The following ZC3HAV1 variants were observed in gnomAD, a reference collection of about 807,000 sequenced individuals.
ZC3HAV1 encodes zinc finger CCCH-type containing, antiviral 1.
Under a neutral mutation model 86.6 loss-of-function variants are expected in ZC3HAV1, and 41 were observed. The ratio of observed to expected loss-of-function variants is 0.47; its 90% CI spans 0.37 to 0.61. ZC3HAV1 has a LOEUF of 0.61. Ranked by LOEUF, ZC3HAV1 falls within the 20% of genes least tolerant of loss-of-function variation. ZC3HAV1 has a pLI of 0.00. For synonymous variants in ZC3HAV1, 421 were observed against 432.1 expected (o/e 0.97, Z 0.32); for missense variants, 964 against 1,141.1 (o/e 0.84, Z 2.24).
intron 1 of ZC3HAV1, among the ~76,000 whole-genome samples, chr7:139,102,848 A>C (rs955788481): frequency 7.9e-5 from 12 of 151,332 alleles, no homozygotes; most frequent in South Asian, 2.1e-4. Flanking sequence ...TGAATCCAGG[A>C]GGTGGAGGCT....
intron 2 of ZC3HAV1, 110 bp from the exon 3 acceptor site, chr7:139,084,142 A>T (rs1817211885): frequency 7.1e-7 from 1 of 1,412,342 alleles, no homozygotes; most frequent in Admixed American, 2.3e-5. Context: ...GCAGAGATAT[A>T]CCAAAGGGGG....
In ZC3HAV1 at chr7:139,047,611, C is replaced by T. The variant is rs758830721; in HGVS notation, c.2692G>A (p.Ala898Thr). The T allele has an allele frequency of 6.2e-7, 1 of 1,614,046 alleles. No homozygotes were observed. Residue 898 changes from alanine to threonine, a missense_variant, in exon 13 of 13, where the codon GCC becomes ACC. Ala to Thr is a moderately conservative substitution (Grantham distance 58, BLOSUM62 0). Transcript: ENST00000242351. ...QYVIEYTEDK[A>T]CVIS ...CATCGGTTCTAACTAATCACGCAGG[C>T]TTTGTCTTCAGTATATTCAATCACA...
intron 2 of ZC3HAV1, among the ~76,000 whole-genome samples, chr7:139,085,919 C>G (rs1348851638): frequency 2.0e-5 from 3 of 151,832 alleles, no homozygotes; most frequent in Non-Finnish European, 4.4e-5. Flanking sequence ...GAAACTGAGG[C>G]AGGAGAATTG....
At chr7:139,098,242 A>T (rs1218911523) in intron 1 of ZC3HAV1, among the ~76,000 whole-genome samples, 1 of 152,180 alleles carries the variant, frequency 6.6e-6, no homozygotes, top group Non-Finnish European at 1.5e-5. Flanking sequence ...CCCGGCCTCC[A>T]TACACTTTAA....
intron 3 of ZC3HAV1, 61 bp from the exon 4 acceptor site, chr7:139,080,304 G>A: frequency 1.3e-6 from 2 of 1,590,956 alleles, no homozygotes; most frequent in Non-Finnish European, 8.6e-7. Flanking sequence ...ATGTGACTGA[G>A]TTCCTACCAC....
rs143218894 is a variant in ZC3HAV1, at chr7:139,084,797, G to A, written c.445-765C>T. Among the ~76,000 whole-genome samples, 4 of 152,318 alleles carry A rather than the reference G, an allele frequency of 2.6e-5. No individual in the cohort carries two copies. The South Asian group carries it at 6.2e-4, about 24-fold the overall frequency. ...ATGCAAAATATAAAGTGTGATGCAC[G>A]TGTTTGAACCATGAAATGAGGAAAC... On this transcript the variant is annotated intron_variant, in intron 2 of 12. Transcript: ENST00000242351.
intron 12 of ZC3HAV1, among the ~76,000 whole-genome samples, chr7:139,050,427 G>A (rs748257414): frequency 2.0e-5 from 3 of 152,010 alleles, no homozygotes; most frequent in Non-Finnish European, 2.9e-5. Context: ...GAGTGCAGTG[G>A]CAGGATCTCA....
At chr7:139,097,065 G>T (rs955224528) in intron 1 of ZC3HAV1, among the ~76,000 whole-genome samples, 4 of 152,020 alleles carry the variant, frequency 2.6e-5, no homozygotes, top group African/African-American at 9.7e-5. Context: ...TTGAACCCAG[G>T]AGGCAGAGGT....
At chr7:139,069,025 G>A (rs1816691644) in intron 7 of ZC3HAV1, among the ~76,000 whole-genome samples, 2 of 152,114 alleles carry the variant, frequency 1.3e-5, no homozygotes, top group African/African-American at 2.4e-5. Context: ...CTATTGTAAA[G>A]GTATTCTAAG....
At chr7:139,056,301 C>T (rs1488171259) in intron 9 of ZC3HAV1, among the ~76,000 whole-genome samples, 1 of 151,980 alleles carries the variant, frequency 6.6e-6, no homozygotes, top group Non-Finnish European at 1.5e-5. Flanking sequence ...TAAGCATCAG[C>T]CAGCATGCCA....
In ZC3HAV1 at chr7:139,102,726, T is replaced by TAC. The variant is rs1491404275; in HGVS notation, c.308+6297_308+6298insGT. Among the ~76,000 whole-genome samples, 379 of 125,104 alleles carry TAC rather than the reference T, an allele frequency of 3.0e-3. 3 individuals are homozygous for TAC. The highest frequency in any genetic ancestry group is 0.013 in the African/African-American group (361 of 28,782). 82.1% of individuals were successfully genotyped at this position (125,104 alleles called of 152,430 possible). A position where few individuals can be genotyped will look rare whatever the true frequency, so the allele number is the denominator to read the frequency against. ...GGGCAAAATAGTGAGACACTGTCTCTATACACACACACACACACACACACA... is the reference window on the plus strand; with the variant it reads ...GGGCAAAATAGTGAGACACTGTCTCTACATACACACACACACACACACACACA... On this transcript the variant is annotated intron_variant, in intron 1 of 12. Transcript: ENST00000242351.
intron 5 of ZC3HAV1, among the ~76,000 whole-genome samples, chr7:139,077,359 T>C (rs985326876): frequency 6.6e-6 from 1 of 152,186 alleles, no homozygotes; most frequent in Non-Finnish European, 1.5e-5. Flanking sequence ...TTCTCCTGCC[T>C]CAGTCTCCCT....
chr7:139,098,429 G>A (rs1329475944), intron 1 of ZC3HAV1, among the ~76,000 whole-genome samples: 1 of 152,152 alleles, frequency 6.6e-6, no homozygotes, highest in Non-Finnish European at 1.5e-5. Flanking sequence ...AGGCATGCGG[G>A]ATCAAAATGT....
intron 9 of ZC3HAV1, 36 bp downstream of exon 9, chr7:139,061,000 G>A (rs1268896184): frequency 4.3e-6 from 7 of 1,612,268 alleles, no homozygotes; most frequent in African/African-American, 1.3e-5. Context: ...AACATCTCAA[G>A]CATCTGTCAG....
intron 2 of ZC3HAV1, 128 bp from the exon 3 acceptor site, chr7:139,084,160 C>T: frequency 3.2e-6 from 4 of 1,268,384 alleles, no homozygotes; most frequent in Non-Finnish European, 2.1e-6. Flanking sequence ...GGGAAAAATA[C>T]ATGCATATTC....
chr7:139,087,538 G>T (rs1391922328), intron 2 of ZC3HAV1, among the ~76,000 whole-genome samples: 1 of 151,870 alleles, frequency 6.6e-6, no homozygotes, highest in Admixed American at 6.6e-5. Context: ...AGAGCAAATG[G>T]GACATATTTT....
intron 7 of ZC3HAV1, among the ~76,000 whole-genome samples, chr7:139,073,232 G>A (rs139890043): frequency 0.016 from 2,504 of 152,186 alleles, 67 homozygotes; most frequent in African/African-American, 0.057. Flanking sequence ...CCAGGAGATG[G>A]AGGTTGCAGT....
chr7:139,060,569 G>A (rs1260037488), intron 9 of ZC3HAV1: 17 of 1,003,172 alleles, frequency 1.7e-5, no homozygotes, highest in Non-Finnish European at 1.9e-5. Context: ...AGCCAGGCAC[G>A]GTGGCTCATG....
At chr7:139,105,847 G>C (rs376720579) in intron 1 of ZC3HAV1, among the ~76,000 whole-genome samples, 1 of 151,978 alleles carries the variant, frequency 6.6e-6, no homozygotes, top group Non-Finnish European at 1.5e-5. Context: ...TTTATTACTC[G>C]CTAAGAGGAG....
Sources: gnomAD v4.1 joint callset for allele counts (sites outside exome capture counted in the v4.1 genomes callset) on GRCh38, gnomAD v4.1.1 for gene constraint, MANE v1.5 for transcripts, NCBI Gene and HGNC (gene_info 2026-07-23, HGNC 2026-07-21) for gene names.